The following NXN variants were observed in gnomAD, a reference collection of about 807,000 sequenced individuals.
The protein encoded by NXN is nucleoredoxin.
A neutral mutation model predicts 48.6 loss-of-function variants in NXN; 16 were observed. That is an observed-to-expected ratio of 0.33 (90% CI 0.22 to 0.50). The LOEUF (loss-of-function observed/expected upper bound fraction) is 0.50, where lower values mean the gene tolerates loss of function less well. Ranked by LOEUF, NXN falls within the 20% of genes least tolerant of loss-of-function variation. The pLI, the probability that NXN is intolerant of heterozygous loss-of-function variation, is 0.98. For missense variants in NXN, 492 were observed against 605.5 expected, an observed-to-expected ratio of 0.81 and a Z score of 1.97; for synonymous variants, 281 against 269.6, an observed-to-expected ratio of 1.04 and a Z score of -0.41.
chr17:922,080 A>G (rs2068755434), intron 1 of NXN, among the ~76,000 whole-genome samples: 1 of 152,332 alleles, frequency 6.6e-6, no homozygotes, highest in African/African-American at 2.4e-5. Context: ...AACCCTTTTC[A>G]GCGGGTAACT....
At position 932,468 on chromosome 17, in the gene NXN, A is replaced by T. The variant is rs755407449; in HGVS notation, c.360+46851T>A. Among the ~76,000 whole-genome samples, 1 of 152,230 alleles carries T rather than the reference A, an allele frequency of 6.6e-6. No individual in the cohort carries two copies. The highest frequency in any genetic ancestry group is 1.5e-5 in the Non-Finnish European group (1 of 68,044). On this transcript the variant is annotated intron_variant, in intron 1 of 7. Coordinates refer to ENST00000336868, the MANE Select transcript of NXN (RefSeq NM_022463.5). The surrounding 1 kb of genome is among the most constrained non-coding windows in gnomAD (Gnocchi z 4.1). ...ATCAGTTTGGAAACCGCAGGTCTTC[A>T]GCAAAACAAAACTCTGAGGCGGCGT...
At chr17:885,774 G>T (rs1202521328) in intron 1 of NXN, among the ~76,000 whole-genome samples, 5 of 142,202 alleles carry the variant, frequency 3.5e-5, no homozygotes. Context: ...TCTGCCTCCC[G>T]GGTTCACGCC....
At chr17:811,968 C>A (rs1370671881) in intron 5 of NXN, among the ~76,000 whole-genome samples, 4 of 146,616 alleles carry the variant, frequency 2.7e-5, no homozygotes, top group South Asian at 4.4e-4. Flanking sequence ...CGCTCTGTCG[C>A]CCAGGCTGGA....
intron 1 of NXN, among the ~76,000 whole-genome samples, chr17:940,125 G>C (rs2068954354): frequency 6.9e-6 from 1 of 144,972 alleles, no homozygotes. Context: ...TTTTGGTAGA[G>C]ATCGAGGTGG....
At chr17:857,220 C>G (rs777466929) in intron 1 of NXN, among the ~76,000 whole-genome samples, 5 of 152,162 alleles carry the variant, frequency 3.3e-5, no homozygotes, top group Non-Finnish European at 5.9e-5. Flanking sequence ...TTGCTGTATC[C>G]TCACATGGTG....
intron 1 of NXN, among the ~76,000 whole-genome samples, chr17:872,476 GGA>G (rs370655394): frequency 6.7e-6 from 1 of 149,574 alleles, no homozygotes; most frequent in Non-Finnish European, 1.5e-5. Context: ...TCAAAGGCAA[GGA>G]GAGAGAGTGT....
chr17:932,507 C>T lies in NXN; in HGVS notation c.360+46812G>A, dbSNP rs781386254. On this transcript the variant is annotated intron_variant, in intron 1 of 7. Transcript: ENST00000336868. The surrounding 1 kb of genome is among the most constrained non-coding windows in gnomAD (Gnocchi z 4.1). ...CTGAGGCGGCGTTGGGTCCAGTCGT[C>T]GTCTCCTCAGCGAGTAAGGCAGCTT... Among the ~76,000 whole-genome samples, 8 of 152,212 alleles carry T rather than the reference C, an allele frequency of 5.3e-5. No homozygotes were observed. The highest frequency in any genetic ancestry group is 1.4e-4 in the African/African-American group (6 of 41,446).
At position 978,092 on chromosome 17, in the gene NXN, T is replaced by C. The variant is rs1381022487; in HGVS notation, c.360+1227A>G. On this transcript the variant is annotated intron_variant, in intron 1 of 7. Transcript: ENST00000336868. The surrounding 1 kb of genome is among the most constrained non-coding windows in gnomAD (Gnocchi z 4.1). The stretch of plus-strand genomic sequence containing the variant: ...GCCTTTTGCTCCCAGTAAATCTAAA[T>C]CATGCTTCTCAACAAGATTCTGCAC... Among the ~76,000 whole-genome samples, 1 of 152,178 alleles carries C rather than the reference T, an allele frequency of 6.6e-6. No individual in the cohort carries two copies.
chr17:855,700 AGAATAAATTAAGTTTAGGG>A (rs1381636364), intron 1 of NXN, among the ~76,000 whole-genome samples: 1 of 152,232 alleles, frequency 6.6e-6, no homozygotes, highest in Non-Finnish European at 1.5e-5. Context: ...TGGGATATGT[AGAATAAATTAAGTTTAGGG>A]GAAAAAATCA....
Position 910,238 on chromosome 17 carries a change from CCT to C in NXN, c.360+69079_360+69080del, listed in dbSNP as rs1347534656. ...ACCAGCCTGGCCAACAGGGCGAGAC[CCT>C]GTCTCTACTAAAAATACAAAAATGA... On this transcript the variant is annotated intron_variant, in intron 1 of 7. Coordinates refer to ENST00000336868, the MANE Select transcript of NXN (RefSeq NM_022463.5). Among the ~76,000 whole-genome samples, 5 of 152,070 alleles carry C rather than the reference CCT, an allele frequency of 3.3e-5. No individual in the cohort carries two copies. The East Asian group carries it at 5.8e-4, about 18-fold the overall frequency.
Position 920,310 on chromosome 17 carries a change from G to A in NXN, c.360+59009C>T, listed in dbSNP as rs941003747. ...GAATCTGGCAACGTCAACATCAAGT[G>A]ATTGTTCAAATTCAGCCAAGGGGGC... On this transcript the variant is annotated intron_variant, in intron 1 of 7. Coordinates refer to ENST00000336868, the MANE Select transcript of NXN (RefSeq NM_022463.5). The surrounding 1 kb of genome is among the most constrained non-coding windows in gnomAD (Gnocchi z 4.6). 1.3e-5 allele frequency among the ~76,000 whole-genome samples: 2 copies of A among 152,148 alleles called. No homozygotes were observed. Among genetic ancestry groups the A allele is most frequent in the Non-Finnish European group, 2.9e-5 (2 of 68,022 alleles).
intron 1 of NXN, among the ~76,000 whole-genome samples, chr17:858,691 T>C (rs1441085477): frequency 8.0e-5 from 12 of 150,054 alleles, no homozygotes. Context: ...ATCGCGCCAC[T>C]GCACTCCAGC....
chr17:820,559 C>CTTG (rs1419052413), intron 4 of NXN, among the ~76,000 whole-genome samples: 3 of 129,762 alleles, frequency 2.3e-5, no homozygotes, highest in African/African-American at 6.3e-5. Context: ...TTGCAGTGAG[C>CTTG]CGAGATCGTG....
chr17:897,115 T>C (rs972755502), intron 1 of NXN: 13 of 976,726 alleles, frequency 1.3e-5, no homozygotes, highest in Non-Finnish European at 1.6e-5. Flanking sequence ...AAGAAAATTA[T>C]TTCCCATGGG....
chr17:944,249 T>A (rs974722846), intron 1 of NXN, among the ~76,000 whole-genome samples: 7 of 151,704 alleles, frequency 4.6e-5, no homozygotes, highest in Non-Finnish European at 5.9e-5. Context: ...CAGAAAAAAA[T>A]AAAAAAATAA....
intron 1 of NXN, among the ~76,000 whole-genome samples, chr17:889,761 A>AAGAAAGAAAGAAAAAGAAAG (rs1555619043): frequency 1.4e-5 from 1 of 70,780 alleles, no homozygotes; most frequent in South Asian, 4.6e-4. Context: ...GAAAGAAAGA[A>AAGAAAGAAAGAAAAAGAAAG]AAAGAAAGAA....
intron 1 of NXN, among the ~76,000 whole-genome samples, chr17:848,672 C>A (rs926236948): frequency 6.6e-6 from 1 of 152,194 alleles, no homozygotes; most frequent in South Asian, 2.1e-4. Context: ...AAAGGGGCCA[C>A]CACACGATTG....
chr17:973,855 T>G (rs1390939778), intron 1 of NXN, among the ~76,000 whole-genome samples: 2 of 151,376 alleles, frequency 1.3e-5, no homozygotes. Flanking sequence ...AATTTTGTAT[T>G]TTTAGTAGAG....
chr17:831,139 G>C (rs1040011691), intron 1 of NXN, among the ~76,000 whole-genome samples: 3 of 152,116 alleles, frequency 2.0e-5, no homozygotes, highest in African/African-American at 7.2e-5. Flanking sequence ...AAAGGGCCAG[G>C]TTATAAAAAC....
Sources: allele counts gnomAD v4.1 joint callset (sites outside exome capture counted in the v4.1 genomes callset), GRCh38; gene constraint gnomAD v4.1.1; non-coding constraint Gnocchi (gnomAD v3.1); transcripts MANE v1.5; gene names NCBI Gene and HGNC (gene_info 2026-07-23, HGNC 2026-07-21).